SPEF2: variants seen among roughly 807,000 people sequenced by gnomAD.
SPEF2 encodes sperm flagellar and cilia associated 2.
A neutral mutation model predicts 224.6 loss-of-function variants in SPEF2; 187 were observed. The ratio of observed to expected loss-of-function variants is 0.83; its 90% confidence interval spans 0.74 to 0.94. The LOEUF (loss-of-function observed/expected upper bound fraction) is 0.94. SPEF2 is among the 40% of genes least tolerant of loss of function. The pLI is 0.00. For synonymous variants in SPEF2, 715 were observed against 707.3 expected, an observed-to-expected ratio of 1.01 and a Z score of -0.17; for missense variants, 2,170 against 2,135.6, an observed-to-expected ratio of 1.02 and a Z score of -0.32.
At chr5:35,669,047 C>G (rs1215570789) in intron 9 of SPEF2, among the ~76,000 whole-genome samples, 1 of 152,002 alleles carries the variant, frequency 6.6e-6, no homozygotes, top group African/African-American at 2.4e-5. Context: ...GTTGTTAGGT[C>G]TGTAGCCGTT....
intron 15 of SPEF2, 188 bp downstream of exon 15, chr5:35,697,981 C>G (rs1466108595): frequency 2.3e-6 from 1 of 435,226 alleles, no homozygotes; most frequent in Middle Eastern, 6.4e-4. Flanking sequence ...GCTTCTTCTC[C>G]CATACCAAGC....
intron 10 of SPEF2, chr5:35,670,810 G>T (rs937384441): frequency 1.0e-6 from 1 of 976,658 alleles, no homozygotes; most frequent in Non-Finnish European, 1.2e-6. Context: ...GTGACCTTAG[G>T]TGACCAGTTC....
chr5:35,747,947 C>T (rs1228709199), intron 23 of SPEF2, among the ~76,000 whole-genome samples: 1 of 152,062 alleles, frequency 6.6e-6, no homozygotes, highest in Non-Finnish European at 1.5e-5. Context: ...TAAAACAAGC[C>T]TCAATAAATT....
At chr5:35,756,200 C>T (rs982263265) in intron 24 of SPEF2, among the ~76,000 whole-genome samples, 1 of 152,144 alleles carries the variant, frequency 6.6e-6, no homozygotes, top group African/African-American at 2.4e-5. Context: ...TGTATCCACC[C>T]TGTAGATGCT....
At chr5:35,714,903 T>C (rs1043315996) in intron 20 of SPEF2, among the ~76,000 whole-genome samples, 5 of 151,796 alleles carry the variant, frequency 3.3e-5, no homozygotes, top group East Asian at 1.9e-4. Context: ...GAAACAATAA[T>C]GTTTGATTTT....
intron 7 of SPEF2, among the ~76,000 whole-genome samples, chr5:35,655,005 T>TA (rs1248115207): frequency 1.3e-5 from 2 of 152,210 alleles, no homozygotes; most frequent in Non-Finnish European, 2.9e-5. Context: ...TTTACCTTAA[T>TA]AAAAAATACA....
chr5:35,751,292 A>G (rs983533197), intron 23 of SPEF2, among the ~76,000 whole-genome samples: 8 of 144,228 alleles, frequency 5.5e-5, no homozygotes, highest in Admixed American at 7.0e-5. Context: ...TAAGAATGAT[A>G]CAATGGACTT....
At chr5:35,700,965 C>T (rs551207085) in intron 16 of SPEF2, among the ~76,000 whole-genome samples, 55 of 152,154 alleles carry the variant, frequency 3.6e-4, no homozygotes, top group Non-Finnish European at 5.6e-4. Flanking sequence ...TCCAGTCCAA[C>T]GGCAAGCATC....
chr5:35,624,931 A>G (rs112786206), intron 1 of SPEF2, among the ~76,000 whole-genome samples: 1 of 152,180 alleles, frequency 6.6e-6, no homozygotes, highest in Non-Finnish European at 1.5e-5. Context: ...CACGGCATCC[A>G]GCCCTGTCTT....
chr5:35,663,113 T>G (rs1749968999), intron 8 of SPEF2, among the ~76,000 whole-genome samples: 1 of 152,166 alleles, frequency 6.6e-6, no homozygotes, highest in Non-Finnish European at 1.5e-5. Context: ...CTGCTCCTTC[T>G]CAGGAGCAGG....
chr5:35,809,141 G>A (rs781355429), intron 36 of SPEF2, among the ~76,000 whole-genome samples: 7 of 152,016 alleles, frequency 4.6e-5, no homozygotes, highest in Non-Finnish European at 7.4e-5. Flanking sequence ...AAAGCACTTG[G>A]CATGGTATCT....
intron 33 of SPEF2, among the ~76,000 whole-genome samples, chr5:35,796,631 G>A (rs940794595): frequency 2.7e-5 from 4 of 150,840 alleles, no homozygotes; most frequent in Non-Finnish European, 5.9e-5. Context: ...AAATCTCAAC[G>A]CTACTCTGAC....
At chr5:35,780,828 C>T (rs1754242042) in intron 30 of SPEF2, among the ~76,000 whole-genome samples, 2 of 152,132 alleles carry the variant, frequency 1.3e-5, no homozygotes, top group Admixed American at 1.3e-4. Flanking sequence ...CATCTGGGGA[C>T]ACTTGAATAG....
intron 4 of SPEF2, 30 bp downstream of exon 4, chr5:35,644,555 A>G (rs368554340): frequency 7.2e-6 from 11 of 1,535,426 alleles, no homozygotes; most frequent in East Asian, 2.3e-5. Flanking sequence ...TCAGAAATTC[A>G]TTAGTGCATA....
chr5:35,704,602 T>G lies in SPEF2; in HGVS notation c.2447T>G (p.Val816Gly), dbSNP rs753926750. 1 of 1,612,960 alleles carries G rather than the reference T, an allele frequency of 6.2e-7. No individual in the cohort carries two copies. Among genetic ancestry groups the G allele is most frequent in the Non-Finnish European group, 8.5e-7 (1 of 1,179,366 alleles). The stretch of plus-strand genomic sequence containing the variant: ...GCTCACGAAGATATCAGTCAACGTG[T>G]AGCTGCTGAAAACCAAGATAAGGAT... Reference protein sequence around the residue: ...KTAHEDISQRVAAENQDKDGD... With the variant: ...KTAHEDISQRGAAENQDKDGD... Residue 816 changes from valine to glycine, a missense_variant, in exon 17 of 37, where the codon GTA (valine) becomes GGA (glycine). Physicochemically the swap from Val to Gly is moderately radical, Grantham distance 109. Transcript: ENST00000356031.
In SPEF2 at chr5:35,617,881, C is replaced by G; in HGVS notation, c.-117C>G. The G allele has an allele frequency of 1.0e-6, 1 of 982,766 alleles. No individual in the cohort carries two copies. Among genetic ancestry groups the G allele is most frequent in the Non-Finnish European group, 1.6e-6 (1 of 631,350 alleles). The allele number at this position is 982,766 out of a possible 1,614,324, so 60.9% of individuals were successfully genotyped here. ...CTAAGGCCTTTCGCCTAGTTCCAGC[C>G]TGGATACGCTTCCATAGCAAAGGGT... On this transcript the variant is annotated 5_prime_UTR_variant, in exon 1 of 37. Coordinates refer to ENST00000356031, the MANE Select transcript of SPEF2 (RefSeq NM_024867.4).
chr5:35,768,176 A>G (rs1752337563), intron 26 of SPEF2, among the ~76,000 whole-genome samples: 1 of 152,108 alleles, frequency 6.6e-6, no homozygotes, highest in African/African-American at 2.4e-5. Flanking sequence ...AGCCCTCAAT[A>G]TAGTCTTGAG....
intron 24 of SPEF2, 49 bp downstream of exon 24, chr5:35,753,810 A>G (rs1750044850): frequency 1.2e-6 from 2 of 1,607,774 alleles, no homozygotes; most frequent in Admixed American, 1.7e-5. Context: ...TCACAGCCTC[A>G]TTCCTCAGTC....
intron 20 of SPEF2, among the ~76,000 whole-genome samples, chr5:35,720,338 T>A (rs1255612202): frequency 6.6e-6 from 1 of 152,212 alleles, no homozygotes; most frequent in African/African-American, 2.4e-5. Context: ...GTCAAAAAGT[T>A]TGCTTCAGCT....
Sources: gnomAD v4.1 joint callset for allele counts (sites outside exome capture counted in the v4.1 genomes callset) on GRCh38, gnomAD v4.1.1 for gene constraint, MANE v1.5 for transcripts, NCBI Gene and HGNC (gene_info 2026-07-23, HGNC 2026-07-21) for gene names.